Variants in ABCA13 observed in about 807,000 individuals in gnomAD.
ABCA13 encodes ATP binding cassette subfamily A member 13, also known as ATP-binding cassette sub-family A member 13.
In ABCA13, 476 loss-of-function variants were observed where a neutral mutation model predicts 478.7. The ratio of observed to expected loss-of-function variants is 0.99; its 90% CI spans 0.92 to 1.07. ABCA13 has a LOEUF of 1.07. Among genes scored for constraint, ABCA13 ranks in the 50% least tolerant of loss-of-function variants. The probability of loss-of-function intolerance (pLI) is 0.00; values close to 1 mark genes in which losing one functional copy is unlikely to be tolerated. For missense variants in ABCA13, 6,060 were observed against 5,910.6 expected (o/e 1.03, Z -0.83); for synonymous variants, 2,252 against 2,158.9 (o/e 1.04, Z -1.20).
intron 1 of ABCA13, among the ~76,000 whole-genome samples, chr7:48,180,204 T>TG (rs1226119927): frequency 6.6e-6 from 1 of 152,188 alleles, no homozygotes; most frequent in African/African-American, 2.4e-5. Context: ...CAGGAACTAC[T>TG]GGGGGCATTA....
intron 23 of ABCA13, among the ~76,000 whole-genome samples, chr7:48,299,558 A>G (rs1799859778): frequency 6.6e-6 from 1 of 152,084 alleles, no homozygotes. Flanking sequence ...GAAACAATGA[A>G]GATTTTTGGT....
intron 58 of ABCA13, among the ~76,000 whole-genome samples, chr7:48,600,496 T>C (rs1489951197): frequency 1.3e-5 from 2 of 152,170 alleles, no homozygotes; most frequent in African/African-American, 4.8e-5. Flanking sequence ...CTTGTATCTG[T>C]TTCTACTTGG....
At chr7:48,439,633 A>C (rs1823313069) in intron 42 of ABCA13, among the ~76,000 whole-genome samples, 1 of 152,176 alleles carries the variant, frequency 6.6e-6, no homozygotes, top group South Asian at 2.1e-4. Context: ...TTGTAATACT[A>C]TATAATTCCT....
chr7:48,246,149 T>C lies in ABCA13; in HGVS notation c.1659+119T>C. 3.6e-6 allele frequency: 4 copies of C among 1,099,286 alleles called. No homozygotes were observed. The South Asian group carries it at 9.1e-5, about 25-fold the overall frequency. 68.1% of individuals were successfully genotyped at this position (1,099,286 alleles called of 1,614,324 possible). A position where few individuals can be genotyped will look rare whatever the true frequency, so the allele number is the denominator to read the frequency against. The stretch of plus-strand genomic sequence containing the variant: ...AAAGTTTTGCCGTAAGCCCACACAC[T>C]TAAAGGAAGCTGGCTCTCTGAACTC... On this transcript the variant is annotated intron_variant, in intron 13 of 61. Transcript: ENST00000435803.
intron 31 of ABCA13, among the ~76,000 whole-genome samples, chr7:48,361,276 C>T (rs1047071456): frequency 1.3e-5 from 2 of 151,506 alleles, no homozygotes; most frequent in African/African-American, 4.9e-5. Flanking sequence ...GAACCACTTC[C>T]AATTATTAAG....
In ABCA13 at chr7:48,367,784, C is replaced by T. The variant is rs1471738473; in HGVS notation, c.10689-10C>T. ...TGTCTCCGGATGCTGACTGAATTAT[C>T]CCCTTACAGATTCCTGAACAACGTT... On this transcript the variant is annotated splice_polypyrimidine_tract_variant and intron_variant, in intron 31 of 61. Transcript: ENST00000435803. The T allele has an allele frequency of 6.5e-7, 1 of 1,547,410 alleles. No homozygotes were observed. The highest frequency in any genetic ancestry group is 8.8e-7 in the Non-Finnish European group (1 of 1,140,910).
At chr7:48,345,980 C>A (rs959317224) in intron 29 of ABCA13, among the ~76,000 whole-genome samples, 2 of 152,096 alleles carry the variant, frequency 1.3e-5, no homozygotes, top group Non-Finnish European at 2.9e-5. Context: ...TAAACAAATC[C>A]TTACCATCGT....
intron 60 of ABCA13, 57 bp downstream of exon 60, chr7:48,643,450 G>A: frequency 3.6e-6 from 5 of 1,405,810 alleles, no homozygotes; most frequent in Non-Finnish European, 5.0e-6. Context: ...AATAATAAAT[G>A]TACCTGTCTT....
intron 6 of ABCA13, among the ~76,000 whole-genome samples, chr7:48,228,385 T>C (rs573236142): frequency 6.6e-6 from 1 of 152,304 alleles, no homozygotes; most frequent in East Asian, 1.9e-4. Context: ...CAAGCCTCTT[T>C]TCTGGCCCCT....
Position 48,279,867 on chromosome 7 carries a change from A to G in ABCA13, c.8673A>G (p.Gly2891=), listed in dbSNP as rs763573217. 21 of 1,550,414 alleles carry G rather than the reference A, an allele frequency of 1.4e-5. No homozygotes were observed. The highest frequency in any genetic ancestry group is 1.5e-5 in the Non-Finnish European group (17 of 1,154,106). The change falls in exon 18 of 62, where the codon GGA becomes GGG. Residue 2891 remains glycine (G), a synonymous_variant. Coordinates refer to ENST00000435803, the MANE Select transcript of ABCA13 (RefSeq NM_152701.5). ...KPFFCLEKYL[G]GLFVLTKYWQ... is the part of the protein sequence containing the mutation. ...TTTTCTGTTTGGAGAAATACCTGGG[A>G]GGATTATTTGTATTGACTAAATACT...
intron 58 of ABCA13, among the ~76,000 whole-genome samples, chr7:48,597,761 C>T (rs553746290): frequency 6.6e-6 from 1 of 152,252 alleles, no homozygotes; most frequent in Non-Finnish European, 1.5e-5. Flanking sequence ...CCAATATCTC[C>T]TCCATCCTCC....
At chr7:48,390,551 G>A (rs937695993) in intron 37 of ABCA13, among the ~76,000 whole-genome samples, 7 of 152,170 alleles carry the variant, frequency 4.6e-5, no homozygotes, top group Admixed American at 1.3e-4. Flanking sequence ...TTTGGTTAGT[G>A]CCGGAACAAG....
intron 29 of ABCA13, among the ~76,000 whole-genome samples, chr7:48,339,622 A>G (rs889466252): frequency 1.3e-5 from 2 of 152,206 alleles, no homozygotes; most frequent in Non-Finnish European, 2.9e-5. Context: ...GTAAACTTCT[A>G]TTGTAAAATT....
chr7:48,337,047 T>C (rs1043501361), intron 28 of ABCA13, among the ~76,000 whole-genome samples: 1 of 152,210 alleles, frequency 6.6e-6, no homozygotes, highest in African/African-American at 2.4e-5. Context: ...TAAGTAGCCA[T>C]GTCAGAAATC....
At chr7:48,248,215 G>A (rs1791998223) in intron 13 of ABCA13, 24 bp from the exon 14 acceptor site, 8 of 1,591,240 alleles carry the variant, frequency 5.0e-6, no homozygotes, top group Non-Finnish European at 6.9e-6. Flanking sequence ...TTTATTATAA[G>A]CAATATCTTC....
intron 41 of ABCA13, among the ~76,000 whole-genome samples, chr7:48,423,461 C>T (rs1175665098): frequency 6.6e-6 from 1 of 152,174 alleles, no homozygotes. Context: ...ATCAAACTGA[C>T]ACTTTAAGTG....
intron 53 of ABCA13, among the ~76,000 whole-genome samples, chr7:48,522,323 C>T (rs1832603785): frequency 6.6e-6 from 1 of 152,158 alleles, no homozygotes; most frequent in Admixed American, 6.5e-5. Flanking sequence ...TGCGCTGACT[C>T]CTGTCCAGCT....
chr7:48,524,834 A>G (rs1028665081), intron 54 of ABCA13, among the ~76,000 whole-genome samples: 1 of 151,308 alleles, frequency 6.6e-6, no homozygotes, highest in Non-Finnish European at 1.5e-5. Flanking sequence ...TGCTACTCAG[A>G]AAAGGTAAAG....
chr7:48,352,844 T>C (rs545576477), intron 31 of ABCA13, among the ~76,000 whole-genome samples: 2 of 152,014 alleles, frequency 1.3e-5, no homozygotes, highest in Non-Finnish European at 2.9e-5. Flanking sequence ...GGTTATTTTC[T>C]CTGCAGTGCA....
Sources: allele counts gnomAD v4.1 joint callset (sites outside exome capture counted in the v4.1 genomes callset), GRCh38; gene constraint gnomAD v4.1.1; transcripts MANE v1.5; gene names NCBI Gene and HGNC (gene_info 2026-07-23, HGNC 2026-07-21).